Variants in TNRC6B observed in about 807,000 individuals in gnomAD.
The protein encoded by TNRC6B is trinucleotide repeat containing adaptor 6B.
A neutral mutation model predicts 203.6 loss-of-function variants in TNRC6B; 52 were observed. The observed-to-expected ratio is 0.26, with a 90% CI of 0.20 to 0.32. TNRC6B has a LOEUF of 0.32. Ranked by LOEUF, TNRC6B falls within the 10% of genes least tolerant of loss-of-function variation. The pLI, the probability that TNRC6B is intolerant of heterozygous loss-of-function variation, is 1.00. For missense variants in TNRC6B, 1,923 were observed against 2,286.2 expected, an observed-to-expected ratio of 0.84 and a Z score of 3.24; for synonymous variants, 838 against 845.7, an observed-to-expected ratio of 0.99 and a Z score of 0.16.
At chr22:40,238,498 G>A (rs1277335709) in intron 1 of TNRC6B, among the ~76,000 whole-genome samples, 2 of 151,982 alleles carry the variant, frequency 1.3e-5, no homozygotes, top group Non-Finnish European at 2.9e-5. Context: ...CCTGCTTCTG[G>A]TCTCATCCCT....
At chr22:40,301,416 C>A in intron 15 of TNRC6B, 83 bp downstream of exon 15, 1 of 1,366,336 alleles carries the variant, frequency 7.3e-7, no homozygotes, top group Non-Finnish European at 1.0e-6. Context: ...CATTACCCTC[C>A]TTTTTTATGT....
chr22:40,193,667 G>T (rs765538177), intron 1 of TNRC6B, among the ~76,000 whole-genome samples: 51 of 152,286 alleles, frequency 3.3e-4, no homozygotes, highest in Non-Finnish European at 6.6e-4. Context: ...CATGGGGAGA[G>T]ATTTGCTGCC....
At chr22:40,293,479 C>T (rs1472522285) in intron 12 of TNRC6B, among the ~76,000 whole-genome samples, 1 of 152,002 alleles carries the variant, frequency 6.6e-6, no homozygotes, top group Admixed American at 6.6e-5. Flanking sequence ...AGGCATGAGC[C>T]ACCGTGCCTG....
intron 1 of TNRC6B, among the ~76,000 whole-genome samples, chr22:40,102,904 C>T (rs1431272725): frequency 6.6e-6 from 1 of 151,998 alleles, no homozygotes; most frequent in Non-Finnish European, 1.5e-5. Flanking sequence ...TGGTGAAACC[C>T]CGTCTCTACT....
intron 1 of TNRC6B, among the ~76,000 whole-genome samples, chr22:40,073,752 A>G (rs1011046895): frequency 7.2e-5 from 11 of 151,946 alleles, no homozygotes; most frequent in African/African-American, 2.4e-4. Context: ...CATCTCTACT[A>G]AAAATACAAA....
chr22:40,270,394 A>T (rs774415722), intron 6 of TNRC6B, 114 bp downstream of exon 6: 47 of 1,057,434 alleles, frequency 4.4e-5, no homozygotes, highest in Non-Finnish European at 5.5e-5. Context: ...ATTTCGGCTC[A>T]CTGCAACCTC....
intron 1 of TNRC6B, among the ~76,000 whole-genome samples, chr22:40,216,178 A>C (rs558713514): frequency 6.6e-6 from 1 of 152,092 alleles, no homozygotes; most frequent in African/African-American, 2.4e-5. Flanking sequence ...TCTGCTTCTT[A>C]CCTAGTCAGC....
rs2070704751 is a variant in TNRC6B at position 40,280,129 on chromosome 22, C to T, written c.3397C>T (p.Pro1133Ser). Residue 1133 changes from proline to serine, a missense_variant, in exon 10 of 23, where the codon CCT (proline) becomes TCT (serine). Physicochemically the swap from Pro to Ser is moderately conservative, Grantham distance 74. Transcript: ENST00000454349. ...SKDMGTTDSG[P>S]YFEKLTLPFS... ...AGACATGGGAACCACAGATAGTGGG[C>T]CTTATTTTGAGAAGGTGAGTTGAAT... 1.2e-6 allele frequency: 2 copies of T among 1,611,474 alleles called. No individual in the cohort carries two copies. The highest frequency in any genetic ancestry group is 1.3e-5 in the African/African-American group (1 of 74,840).
At chr22:40,253,454 C>T (rs2070224149) in intron 3 of TNRC6B, 2 of 428,322 alleles carry the variant, frequency 4.7e-6, no homozygotes, top group Non-Finnish European at 9.2e-6. Context: ...ACACACTCTT[C>T]TTTCCTCTAC....
At chr22:40,230,502 G>A (rs9611296) in intron 1 of TNRC6B, among the ~76,000 whole-genome samples, 2 of 151,906 alleles carry the variant, frequency 1.3e-5, no homozygotes, top group Non-Finnish European at 2.9e-5. Context: ...ATGTTGGCCA[G>A]ACTGATCTCG....
chr22:40,096,063 TA>T (rs2068183927), intron 1 of TNRC6B, among the ~76,000 whole-genome samples: 1 of 152,146 alleles, frequency 6.6e-6, no homozygotes, highest in African/African-American at 2.4e-5. Flanking sequence ...CTTAGAAACA[TA>T]TAAACATGAC....
At chr22:40,095,697 A>G (rs1473879046) in intron 1 of TNRC6B, among the ~76,000 whole-genome samples, 2 of 150,672 alleles carry the variant, frequency 1.3e-5, no homozygotes, top group Admixed American at 1.3e-4. Context: ...GCCATCTAGT[A>G]GGCAATTATC....
intron 3 of TNRC6B, among the ~76,000 whole-genome samples, chr22:40,150,359 C>T (rs1185813713): frequency 6.6e-6 from 1 of 152,144 alleles, no homozygotes; most frequent in African/African-American, 2.4e-5. Flanking sequence ...GCCTGGGTGA[C>T]AGAGCGAGAC....
chr22:40,258,520 C>T (rs372396095), intron 3 of TNRC6B, among the ~76,000 whole-genome samples: 4 of 152,258 alleles, frequency 2.6e-5, no homozygotes, highest in East Asian at 1.9e-4. Context: ...AGAATTCATT[C>T]AGGTGCTGAA....
chr22:40,221,370 C>A (rs1478478388), intron 1 of TNRC6B, among the ~76,000 whole-genome samples: 1 of 152,092 alleles, frequency 6.6e-6, no homozygotes, highest in Admixed American at 6.6e-5. Flanking sequence ...AATGCAGATA[C>A]GTTTAGTTGT....
chr22:40,074,459 AC>A (rs1014402374), intron 1 of TNRC6B, among the ~76,000 whole-genome samples: 1 of 151,784 alleles, frequency 6.6e-6, no homozygotes, highest in Non-Finnish European at 1.5e-5. Flanking sequence ...AGCCTGGGAA[AC>A]ATATGAGACT....
intron 1 of TNRC6B, among the ~76,000 whole-genome samples, chr22:40,090,401 G>GTT (rs60280693): frequency 7.3e-6 from 1 of 136,722 alleles, no homozygotes; most frequent in Non-Finnish European, 1.5e-5. Flanking sequence ...GCATCTCATT[G>GTT]TTTTTTTTTT....
intron 3 of TNRC6B, among the ~76,000 whole-genome samples, chr22:40,131,515 A>G (rs2068544959): frequency 1.3e-5 from 2 of 151,420 alleles, no homozygotes; most frequent in African/African-American, 4.9e-5. Flanking sequence ...ATAATTCCTT[A>G]TTTTTGCCTC....
chr22:40,161,584 G>A (rs2068871869), intron 4 of TNRC6B, among the ~76,000 whole-genome samples: 1 of 152,180 alleles, frequency 6.6e-6, no homozygotes, highest in Admixed American at 6.5e-5. Flanking sequence ...TTAGGTAGCT[G>A]TATATGTAGA....
Sources: gnomAD v4.1 joint callset for allele counts (sites outside exome capture counted in the v4.1 genomes callset) on GRCh38, gnomAD v4.1.1 for gene constraint, MANE v1.5 for transcripts, NCBI Gene and HGNC (gene_info 2026-07-23, HGNC 2026-07-21) for gene names.